The following QNG1 variants were observed in gnomAD, a reference collection of about 807,000 sequenced individuals.
QNG1 encodes the protein Q-nucleotide N-glycosylase 1.
chr9:83,949,594 C>T, the QNG1 span, among the ~76,000 whole-genome samples: 1 of 151,938 alleles, frequency 6.6e-6, no homozygotes, highest in Non-Finnish European at 1.5e-5. Flanking sequence ...TGTGATGAGC[C>T]GAGTTCACGC....
At chr9:83,954,455 G>T in the QNG1 span, among the ~76,000 whole-genome samples, 3 of 152,082 alleles carry the variant, frequency 2.0e-5, no homozygotes, top group Admixed American at 2.0e-4. Context: ...GGTGGCATGC[G>T]CCTGTAGTCC....
the QNG1 span, among the ~76,000 whole-genome samples, chr9:83,951,053 C>A: frequency 6.6e-6 from 1 of 151,980 alleles, no homozygotes; most frequent in South Asian, 2.1e-4. Flanking sequence ...GGGCAGATCA[C>A]CCGAAGTCAG....
chr9:83,948,741 T>C, the QNG1 span, among the ~76,000 whole-genome samples: 4 of 152,228 alleles, frequency 2.6e-5, no homozygotes, highest in Admixed American at 6.5e-5. Context: ...CATTTTGTTA[T>C]GTACTAAGAA....
chr9:83,941,528 C>T, the QNG1 span, among the ~76,000 whole-genome samples: 1 of 151,904 alleles, frequency 6.6e-6, no homozygotes, highest in Non-Finnish European at 1.5e-5. Context: ...GAGTTTGAAG[C>T]TGCAGTGAGT....
the QNG1 span, among the ~76,000 whole-genome samples, chr9:83,951,369 TG>T: frequency 5.3e-5 from 8 of 152,232 alleles, no homozygotes; most frequent in African/African-American, 1.9e-4. Flanking sequence ...GAGACCAGCC[TG>T]GCCAACATGG....
chr9:83,950,600 T>C, the QNG1 span, among the ~76,000 whole-genome samples: 1 of 139,112 alleles, frequency 7.2e-6, no homozygotes, highest in East Asian at 1.9e-4. Flanking sequence ...TCTTTTCTTT[T>C]TTTTTTTTTT....
the QNG1 span, among the ~76,000 whole-genome samples, chr9:83,948,283 C>T: frequency 4.7e-5 from 7 of 148,958 alleles, no homozygotes; most frequent in Non-Finnish European, 3.0e-5. Context: ...CCAGCAGCCG[C>T]CCCGCCTGGG....
the QNG1 span, among the ~76,000 whole-genome samples, chr9:83,947,492 A>C: frequency 6.6e-6 from 1 of 152,188 alleles, no homozygotes; most frequent in African/African-American, 2.4e-5. Flanking sequence ...CTAAAGCTAC[A>C]TTTAAGAAAG....
chr9:83,953,699 C>T, the QNG1 span: 1 of 856,036 alleles, frequency 1.2e-6, no homozygotes. Context: ...GCTCTGTCAC[C>T]CAGGCTGGAG....
the QNG1 span, chr9:83,956,436 A>T: frequency 6.4e-7 from 1 of 1,563,710 alleles, no homozygotes; most frequent in Non-Finnish European, 8.6e-7. Context: ...GCTGTCAATA[A>T]ACACATCCCG....
chr9:83,940,850 C>A, the QNG1 span, among the ~76,000 whole-genome samples: 2 of 152,294 alleles, frequency 1.3e-5, no homozygotes, highest in South Asian at 4.1e-4. Flanking sequence ...ACTTATGCCC[C>A]CTCCATCCAA....
the QNG1 span, among the ~76,000 whole-genome samples, chr9:83,944,427 A>G: frequency 2.0e-5 from 3 of 152,216 alleles, no homozygotes; most frequent in African/African-American, 7.2e-5. Context: ...AAGCCAATTC[A>G]TATTACCTAT....
At chr9:83,943,331 C>CAAAAAAA in the QNG1 span, among the ~76,000 whole-genome samples, 140 of 62,504 alleles carry the variant, frequency 2.2e-3, 3 homozygotes, top group African/African-American at 6.6e-3. Flanking sequence ...CAGAGCGTCT[C>CAAAAAAA]AAAAAAAAAA....
chr9:83,944,573 A>G, the QNG1 span, among the ~76,000 whole-genome samples: 2 of 152,244 alleles, frequency 1.3e-5, no homozygotes, highest in African/African-American at 4.8e-5. Context: ...ATGAAATTAT[A>G]ATGTTCAAAT....
At chr9:83,942,828 G>C in the QNG1 span, among the ~76,000 whole-genome samples, 1 of 152,216 alleles carries the variant, frequency 6.6e-6, no homozygotes, top group Non-Finnish European at 1.5e-5. Flanking sequence ...GCAGTAATGA[G>C]TGCCAGTGGA....
the QNG1 span, among the ~76,000 whole-genome samples, chr9:83,946,138 G>A: frequency 1.3e-5 from 2 of 151,518 alleles, no homozygotes; most frequent in African/African-American, 4.8e-5. Context: ...TACCCCGTCT[G>A]TACTAAAAAT....
At chr9:83,940,158 A>T in the QNG1 span, among the ~76,000 whole-genome samples, 1 of 152,122 alleles carries the variant, frequency 6.6e-6, no homozygotes, top group African/African-American at 2.4e-5. Flanking sequence ...TAATGCTAGC[A>T]ATTTGGGAGG....
chr9:83,941,002 T>G, the QNG1 span, among the ~76,000 whole-genome samples: 10 of 152,200 alleles, frequency 6.6e-5, no homozygotes, highest in Non-Finnish European at 1.3e-4. Flanking sequence ...AATCATTTCC[T>G]CCAAATTTGA....
the QNG1 span, among the ~76,000 whole-genome samples, chr9:83,948,607 A>C: frequency 1.3e-5 from 2 of 152,250 alleles, no homozygotes; most frequent in Non-Finnish European, 1.5e-5. Flanking sequence ...CCAACAGCTC[A>C]TTGAGAGCGG....
Sources: gnomAD v4.1 joint callset for allele counts (sites outside exome capture counted in the v4.1 genomes callset) on GRCh38, gnomAD v4.1.1 for gene constraint, MANE v1.5 for transcripts, NCBI Gene and HGNC (gene_info 2026-07-23, HGNC 2026-07-21) for gene names.